The following NALF1 variants were observed in gnomAD, a reference collection of about 807,000 sequenced individuals.
The protein encoded by NALF1 is NALCN channel auxiliary factor 1.
Under a neutral mutation model 48.4 loss-of-function variants are expected in NALF1, and 3 were observed. The ratio of observed to expected loss-of-function variants is 0.06; its 90% CI spans 0.03 to 0.16. NALF1 has a LOEUF of 0.16. Ranked by LOEUF, NALF1 falls within the 10% of genes least tolerant of loss-of-function variation. The pLI is 1.00. For missense variants in NALF1, 526 were observed against 571.5 expected (o/e 0.92, Z 0.81); for synonymous variants, 262 against 245.7 (o/e 1.07, Z -0.62).
intron 1 of NALF1, among the ~76,000 whole-genome samples, chr13:107,422,312 C>A (rs1027373722): frequency 6.6e-6 from 1 of 152,162 alleles, no homozygotes; most frequent in African/African-American, 2.4e-5. Context: ...TGCTTTCATG[C>A]TCTTACCTCA....
intron 1 of NALF1, among the ~76,000 whole-genome samples, chr13:107,483,264 A>C (rs1885281288): frequency 6.6e-6 from 1 of 152,180 alleles, no homozygotes; most frequent in African/African-American, 2.4e-5. Context: ...AAATCTCATT[A>C]AAAGTCCCAA....
chr13:107,834,594 T>C (rs1051331084), intron 1 of NALF1, among the ~76,000 whole-genome samples: 12 of 152,198 alleles, frequency 7.9e-5, no homozygotes, highest in Admixed American at 2.6e-4. Context: ...TGTCTAAATG[T>C]TACCCCAGAC....
intron 1 of NALF1, among the ~76,000 whole-genome samples, chr13:107,387,975 G>A (rs1471324285): frequency 6.6e-6 from 1 of 152,058 alleles, no homozygotes; most frequent in Admixed American, 6.5e-5. Flanking sequence ...CCTGTCTATT[G>A]TACACCCTCA....
chr13:107,851,314 A>G (rs1880307994), intron 1 of NALF1, among the ~76,000 whole-genome samples: 1 of 151,756 alleles, frequency 6.6e-6, no homozygotes, highest in African/African-American at 2.4e-5. Flanking sequence ...TTAAAATTGC[A>G]CATCTGGAAA....
chr13:107,308,423 C>T (rs1339513085), intron 1 of NALF1, among the ~76,000 whole-genome samples: 4 of 151,904 alleles, frequency 2.6e-5, no homozygotes, highest in Non-Finnish European at 5.9e-5. Flanking sequence ...AGGATGGTCT[C>T]GATCTCCTGA....
intron 1 of NALF1, among the ~76,000 whole-genome samples, chr13:107,436,571 C>T (rs1430588680): frequency 6.6e-6 from 1 of 152,088 alleles, no homozygotes; most frequent in Non-Finnish European, 1.5e-5. Context: ...TAAAAAGAAA[C>T]TTCCTCTATT....
At chr13:107,853,707 T>G (rs1174275950) in intron 1 of NALF1, among the ~76,000 whole-genome samples, 1 of 152,208 alleles carries the variant, frequency 6.6e-6, no homozygotes, top group South Asian at 2.1e-4. Flanking sequence ...ATCAATAGAC[T>G]TTCCTAATGT....
intron 1 of NALF1, among the ~76,000 whole-genome samples, chr13:107,266,305 A>C (rs947031360): frequency 6.6e-6 from 1 of 152,162 alleles, no homozygotes; most frequent in African/African-American, 2.4e-5. Flanking sequence ...CTATTATGTT[A>C]TCATTTAAAA....
intron 1 of NALF1, among the ~76,000 whole-genome samples, chr13:107,553,368 G>A (rs1370384499): frequency 2.0e-5 from 3 of 152,042 alleles, no homozygotes; most frequent in East Asian, 1.9e-4. Context: ...TACCTGACCC[G>A]TTCCGTATTA....
chr13:107,186,273 T>C (rs1469610427), intron 2 of NALF1, among the ~76,000 whole-genome samples: 1 of 152,200 alleles, frequency 6.6e-6, no homozygotes, highest in Non-Finnish European at 1.5e-5. Context: ...GTGAACTGCC[T>C]GTTCAAGGTG....
intron 1 of NALF1, among the ~76,000 whole-genome samples, chr13:107,692,790 C>T (rs969769515): frequency 2.6e-5 from 4 of 152,136 alleles, no homozygotes; most frequent in African/African-American, 9.7e-5. Flanking sequence ...AATATCTACT[C>T]ACTATGGTTG....
At chr13:107,450,318 C>T (rs543535987) in intron 1 of NALF1, among the ~76,000 whole-genome samples, 62 of 152,218 alleles carry the variant, frequency 4.1e-4, no homozygotes, top group African/African-American at 1.4e-3. Context: ...AAGTGCCCAT[C>T]ATAGAGCCAC....
intron 1 of NALF1, among the ~76,000 whole-genome samples, chr13:107,310,501 A>G (rs912734222): frequency 6.6e-6 from 1 of 152,112 alleles, no homozygotes; most frequent in African/African-American, 2.4e-5. Context: ...AAGTATCACC[A>G]AAGTATTACC....
intron 1 of NALF1, among the ~76,000 whole-genome samples, chr13:107,287,457 G>A (rs1423476984): frequency 3.3e-5 from 5 of 152,010 alleles, no homozygotes; most frequent in Non-Finnish European, 5.9e-5. Flanking sequence ...GAGCCTGGGT[G>A]GTTTTATTTT....
intron 1 of NALF1, among the ~76,000 whole-genome samples, chr13:107,555,770 C>T (rs1877452148): frequency 6.6e-6 from 1 of 151,864 alleles, no homozygotes; most frequent in Non-Finnish European, 1.5e-5. Flanking sequence ...AAAAATGTCA[C>T]TATATTGGGG....
At chr13:107,807,329 G>A (rs934133097) in intron 1 of NALF1, among the ~76,000 whole-genome samples, 3 of 152,014 alleles carry the variant, frequency 2.0e-5, no homozygotes, top group Non-Finnish European at 4.4e-5. Flanking sequence ...ACTACACCTG[G>A]ATGACTCTGC....
chr13:107,618,757 C>A (rs1455907863), intron 1 of NALF1, among the ~76,000 whole-genome samples: 1 of 152,080 alleles, frequency 6.6e-6, no homozygotes, highest in Non-Finnish European at 1.5e-5. Context: ...GTGGCAGTGT[C>A]ATTTAGGGAT....
intron 1 of NALF1, among the ~76,000 whole-genome samples, chr13:107,797,203 CTTTTCT>C (rs1052584774): frequency 6.6e-5 from 10 of 151,726 alleles, no homozygotes; most frequent in African/African-American, 2.4e-4. Context: ...TCCCATTTTT[CTTTTCT>C]TTTCTTTGTC....
chr13:107,492,873 C>G (rs370742001), intron 1 of NALF1, among the ~76,000 whole-genome samples: 3 of 152,064 alleles, frequency 2.0e-5, no homozygotes, highest in Non-Finnish European at 4.4e-5. Flanking sequence ...AATAAAACAT[C>G]TGTGACCAAA....
Sources: gnomAD v4.1 joint callset for allele counts (sites outside exome capture counted in the v4.1 genomes callset) on GRCh38, gnomAD v4.1.1 for gene constraint, MANE v1.5 for transcripts, NCBI Gene and HGNC (gene_info 2026-07-23, HGNC 2026-07-21) for gene names.